Variants in EMB observed in about 807,000 individuals in gnomAD.
EMB encodes embigin homolog.
In EMB, 31 loss-of-function variants were observed where a neutral mutation model predicts 41.4. The ratio of observed to expected loss-of-function variants is 0.75; its 90% CI spans 0.56 to 1.01. EMB has a LOEUF of 1.01. Among genes scored for constraint, EMB ranks in the 50% least tolerant of loss-of-function variants. The probability of loss-of-function intolerance (pLI) is 0.00; values close to 1 mark genes in which losing one functional copy is unlikely to be tolerated. For synonymous variants in EMB, 137 were observed against 140.4 expected, an observed-to-expected ratio of 0.98 and a Z score of 0.17; for missense variants, 379 against 388.3, an observed-to-expected ratio of 0.98 and a Z score of 0.20.
At chr5:50,413,584 CTTTTT>C (rs796506447) in intron 2 of EMB, among the ~76,000 whole-genome samples, 167 of 142,488 alleles carry the variant, frequency 1.2e-3, no homozygotes, top group African/African-American at 4.1e-3. Flanking sequence ...TTCTTTCTTT[CTTTTT>C]TTTTTTTTTG....
intron 3 of EMB, 97 bp downstream of exon 3, chr5:50,411,100 T>C (rs1160506344): frequency 8.1e-7 from 1 of 1,229,712 alleles, no homozygotes; most frequent in East Asian, 2.4e-5. Flanking sequence ...TAGCATAACA[T>C]TCAAGTGGCT....
At chr5:50,441,481 C>T, upstream of EMB, 1 of 203,290 alleles carries the variant, frequency 4.9e-6, no homozygotes. Flanking sequence ...AGAGCTTGGG[C>T]AGGTGATGTC....
intron 2 of EMB, among the ~76,000 whole-genome samples, chr5:50,418,741 T>C (rs921147793): frequency 3.3e-5 from 5 of 152,220 alleles, no homozygotes; most frequent in African/African-American, 1.2e-4. Flanking sequence ...CCAGTAATCC[T>C]TGCTGTCTGT....
intron 2 of EMB, among the ~76,000 whole-genome samples, chr5:50,416,445 G>C (rs1745433079): frequency 6.6e-6 from 1 of 151,988 alleles, no homozygotes; most frequent in South Asian, 2.1e-4. Context: ...AGATTTTCTT[G>C]GGTCTATTCA....
At chr5:50,440,697 G>A (rs1035663402) in intron 1 of EMB, among the ~76,000 whole-genome samples, 8 of 151,982 alleles carry the variant, frequency 5.3e-5, no homozygotes, top group Admixed American at 3.3e-4. Flanking sequence ...AAGCCAAGTC[G>A]CTAGCTGGTC....
At chr5:50,409,403 G>A (rs1745298597) in intron 4 of EMB, among the ~76,000 whole-genome samples, 1 of 152,052 alleles carries the variant, frequency 6.6e-6, no homozygotes, top group Non-Finnish European at 1.5e-5. Flanking sequence ...AGAAAAAAGT[G>A]TTTAAAGTTG....
chr5:50,409,335 T>C (rs1294981850), intron 4 of EMB, among the ~76,000 whole-genome samples: 1 of 152,034 alleles, frequency 6.6e-6, no homozygotes, highest in Non-Finnish European at 1.5e-5. Flanking sequence ...TTATCTTCAA[T>C]ATTGAAAGCA....
chr5:50,414,020 G>C (rs1579728482), intron 2 of EMB, among the ~76,000 whole-genome samples: 1 of 152,024 alleles, frequency 6.6e-6, no homozygotes, highest in Admixed American at 6.6e-5. Context: ...TGCATACCTG[G>C]GTAATAAAGC....
chr5:50,429,968 TTCTCTCTCTC>T lies in EMB; in HGVS notation c.113-1751_113-1742del, dbSNP rs780667856. Among the ~76,000 whole-genome samples, 57 of 62,144 alleles carry T rather than the reference TTCTCTCTCTC, an allele frequency of 9.2e-4. No homozygotes were observed. In the East Asian group the frequency reaches 0.011, roughly 11 times the overall value. 40.8% of individuals were successfully genotyped at this position (62,144 alleles called of 152,430 possible). Reference sequence around the variant, plus strand: ...TCCCTCTCACCCTCCCCAACTCTCTTTCTCTCTCTCTCTCTCTCTCTCTCTCTCTCTCTCT... The same window carrying T: ...TCCCTCTCACCCTCCCCAACTCTCTTTCTCTCTCTCTCTCTCTCTCTCTCT... On this transcript the variant is annotated intron_variant, in intron 1 of 8. Coordinates refer to ENST00000303221, the MANE Select transcript of EMB (RefSeq NM_198449.3).
chr5:50,413,348 G>T (rs1056795730), intron 2 of EMB, among the ~76,000 whole-genome samples: 1 of 152,096 alleles, frequency 6.6e-6, no homozygotes, highest in Non-Finnish European at 1.5e-5. Flanking sequence ...TTCAAAAACA[G>T]AATTATGTCT....
chr5:50,397,035 T>G lies in EMB; in HGVS notation c.*2238A>C, dbSNP rs1279376697. On this transcript the variant is annotated 3_prime_UTR_variant, in exon 9 of 9. Transcript: ENST00000303221. ...AATGTATATGAAAGTATCTGGGAATTTTATGCCATCATTAAATCTACTTAT... is the reference window on the plus strand; with the variant it reads ...AATGTATATGAAAGTATCTGGGAATGTTATGCCATCATTAAATCTACTTAT... 6.6e-6 allele frequency: 1 copy of G among 152,102 alleles called. No individual in the cohort carries two copies. The highest frequency in any genetic ancestry group is 1.5e-5 in the Non-Finnish European group (1 of 68,006). 9.4% of individuals were successfully genotyped at this position (152,102 alleles called of 1,614,324 possible).
rs1745345352 is a variant in EMB, at chr5:50,411,941, A to G, written c.197-558T>C. 3 of 152,272 alleles carry G rather than the reference A, an allele frequency of 2.0e-5. No individual in the cohort carries two copies. The South Asian group carries it at 6.2e-4, about 32-fold the overall frequency. 9.4% of individuals were successfully genotyped at this position (152,272 alleles called of 1,614,324 possible). On this transcript the variant is annotated intron_variant, in intron 2 of 8. Coordinates refer to ENST00000303221, the MANE Select transcript of EMB (RefSeq NM_198449.3). ...CATAGGTACAAGACAGAGAATTTAA[A>G]TAAGCATCCAGTAGTTCTGAATTTT...
At chr5:50,437,442 A>G (rs1423501231) in intron 1 of EMB, among the ~76,000 whole-genome samples, 1 of 152,146 alleles carries the variant, frequency 6.6e-6, no homozygotes, top group Admixed American at 6.5e-5. Flanking sequence ...CATTCTGAAG[A>G]GTTACTCTGA....
chr5:50,416,278 C>T (rs918857434), intron 2 of EMB, among the ~76,000 whole-genome samples: 5 of 152,160 alleles, frequency 3.3e-5, no homozygotes, highest in Admixed American at 1.3e-4. Context: ...ATTTCTAAAA[C>T]GATAACAATT....
At chr5:50,415,345 A>G (rs2111809136) in intron 2 of EMB, among the ~76,000 whole-genome samples, 2 of 152,304 alleles carry the variant, frequency 1.3e-5, no homozygotes, top group Middle Eastern at 6.8e-3. Flanking sequence ...TTGATTCTAT[A>G]CCTTGCATGT....
chr5:50,411,314 T>C lies in EMB; in HGVS notation c.266A>G (p.Gln89Arg). Residue 89 changes from glutamine (Q) to arginine (R), a missense_variant, in exon 3 of 9, where the codon CAG (glutamine) becomes CGG (arginine). By Grantham distance (43) the Gln-to-Arg change is conservative (BLOSUM62 1). Transcript: ENST00000303221. ...ERPSNVNLTC[Q>R]FTTSGDLNAV... ...ATTCAAATCCCCAGATGTTGTGAACTGGCATGTGAGATTTACATTAGAAGG... is the reference window on the plus strand; with the variant it reads ...ATTCAAATCCCCAGATGTTGTGAACCGGCATGTGAGATTTACATTAGAAGG... 2 of 1,613,076 alleles carry C rather than the reference T, an allele frequency of 1.2e-6. No individual in the cohort carries two copies. The highest frequency in any genetic ancestry group is 1.7e-6 in the Non-Finnish European group (2 of 1,179,400).
intron 1 of EMB, among the ~76,000 whole-genome samples, chr5:50,435,154 C>A (rs1745783759): frequency 6.6e-6 from 1 of 152,176 alleles, no homozygotes; most frequent in South Asian, 2.1e-4. Flanking sequence ...CAAACAATCT[C>A]AAAGTAGCAG....
At chr5:50,409,688 G>A (rs1237249229) in intron 4 of EMB, among the ~76,000 whole-genome samples, 1 of 151,390 alleles carries the variant, frequency 6.6e-6, no homozygotes, top group African/African-American at 2.4e-5. Context: ...AAAGAGGAGG[G>A]GAAGGGCAGA....
chr5:50,420,250 C>A (rs1001337327), intron 2 of EMB, among the ~76,000 whole-genome samples: 1 of 152,158 alleles, frequency 6.6e-6, no homozygotes, highest in Non-Finnish European at 1.5e-5. Context: ...TCAGCACACA[C>A]CAGATCAAGA....
Sources: allele counts gnomAD v4.1 joint callset (sites outside exome capture counted in the v4.1 genomes callset), GRCh38; gene constraint gnomAD v4.1.1; transcripts MANE v1.5; gene names NCBI Gene and HGNC (gene_info 2026-07-23, HGNC 2026-07-21).